The following ADARB2 variants were observed in gnomAD, a reference collection of about 807,000 sequenced individuals.
The protein encoded by ADARB2 is inactive double-stranded RNA-specific editase B2.
A neutral mutation model predicts 62.2 loss-of-function variants in ADARB2; 25 were observed. That is an observed-to-expected ratio of 0.40 (90% CI 0.29 to 0.56). The LOEUF (loss-of-function observed/expected upper bound fraction) is 0.56. Among genes scored for constraint, ADARB2 ranks in the 20% least tolerant of loss-of-function variants. The pLI is 0.43. For missense variants in ADARB2, 1,071 were observed against 1,077.4 expected (o/e 0.99, Z 0.08); for synonymous variants, 572 against 500.8 (o/e 1.14, Z -1.90).
intron 1 of ADARB2, among the ~76,000 whole-genome samples, chr10:1,725,592 GGACCCCA>G (rs1286153432): frequency 6.6e-6 from 1 of 152,182 alleles, no homozygotes; most frequent in African/African-American, 2.4e-5. Context: ...GAGACGCCCA[GGACCCCA>G]CAGCGGGGGA....
chr10:1,620,058 T>A (rs1833688747), intron 1 of ADARB2, among the ~76,000 whole-genome samples: 1 of 152,136 alleles, frequency 6.6e-6, no homozygotes, highest in African/African-American at 2.4e-5. Context: ...AGAGGGAAAT[T>A]TATAGCTTTA....
chr10:1,242,897 A>T lies in ADARB2; in HGVS notation c.1193-598T>A, dbSNP rs185698959. ...CTCTCTTCAGGGACTGAAAACAAAC[A>T]ACAAAGAAACCTCAAAAACAACCCC... On this transcript the variant is annotated intron_variant, in intron 4 of 9. Coordinates refer to ENST00000381312, the MANE Select transcript of ADARB2 (RefSeq NM_018702.4). Among the ~76,000 whole-genome samples the T allele has an allele frequency of 2.8e-3, 421 of 152,308 alleles. 8 individuals carry two copies. The highest frequency in any genetic ancestry group is 6.6e-4 in the Non-Finnish European group (45 of 68,024).
chr10:1,510,089 C>CTTTTCTTTCTT (rs1398763849), intron 1 of ADARB2, among the ~76,000 whole-genome samples: 2 of 141,990 alleles, frequency 1.4e-5, no homozygotes, highest in Admixed American at 7.5e-5. Flanking sequence ...CTTTCTCTCT[C>CTTTTCTTTCTT]TCTCTCTTTT....
chr10:1,626,864 C>A (rs1458731399), intron 1 of ADARB2, among the ~76,000 whole-genome samples: 1 of 152,230 alleles, frequency 6.6e-6, no homozygotes. Context: ...TTGCACCAAC[C>A]TAATATAAAC....
At chr10:1,612,388 A>G (rs1244745169) in intron 1 of ADARB2, among the ~76,000 whole-genome samples, 1 of 152,228 alleles carries the variant, frequency 6.6e-6, no homozygotes, top group Non-Finnish European at 1.5e-5. Context: ...GGCTGGACAT[A>G]AGGAGGCGGT....
At chr10:1,376,445 A>T (rs1832430018) in intron 2 of ADARB2, among the ~76,000 whole-genome samples, 1 of 152,218 alleles carries the variant, frequency 6.6e-6, no homozygotes, top group African/African-American at 2.4e-5. Flanking sequence ...AAAGGCTTCC[A>T]GAAAGTCCAG....
At chr10:1,576,710 CTG>C (rs1833026660) in intron 1 of ADARB2, among the ~76,000 whole-genome samples, 1 of 152,180 alleles carries the variant, frequency 6.6e-6, no homozygotes, top group Admixed American at 6.5e-5. Context: ...GATGGAGCAG[CTG>C]TGTTTCCTGA....
At chr10:1,200,565 C>G (rs1405954479) in intron 7 of ADARB2, among the ~76,000 whole-genome samples, 2 of 152,076 alleles carry the variant, frequency 1.3e-5, no homozygotes, top group African/African-American at 4.8e-5. Flanking sequence ...CTCCCTTTGT[C>G]CTTAGCAGTC....
intron 1 of ADARB2, chr10:1,557,099 T>A (rs1030207941): frequency 5.8e-6 from 2 of 344,008 alleles, no homozygotes; most frequent in African/African-American, 2.2e-5. Context: ...ACCTCTTTCC[T>A]TCCATTGCCT....
intron 1 of ADARB2, among the ~76,000 whole-genome samples, chr10:1,400,833 G>A (rs1309850038): frequency 1.3e-5 from 2 of 152,158 alleles, no homozygotes; most frequent in Admixed American, 6.5e-5. Context: ...GAGTGGGAGG[G>A]CTTATGGCTT....
At chr10:1,651,671 C>T (rs1834112358) in intron 1 of ADARB2, among the ~76,000 whole-genome samples, 1 of 152,146 alleles carries the variant, frequency 6.6e-6, no homozygotes, top group South Asian at 2.1e-4. Context: ...GCAAGGGGCA[C>T]ATTTCGTGCA....
At chr10:1,311,307 T>C (rs1489310363) in intron 3 of ADARB2, among the ~76,000 whole-genome samples, 3 of 152,194 alleles carry the variant, frequency 2.0e-5, no homozygotes, top group Admixed American at 6.5e-5. Context: ...GTTTCTGGTG[T>C]CAGTTTTGTT....
chr10:1,309,087 C>G (rs942195141), intron 3 of ADARB2, among the ~76,000 whole-genome samples: 10 of 152,178 alleles, frequency 6.6e-5, no homozygotes, highest in Admixed American at 5.9e-4. Context: ...TGACAGCAAA[C>G]CACACAGACA....
At chr10:1,401,662 G>A (rs1832664339) in intron 1 of ADARB2, among the ~76,000 whole-genome samples, 2 of 152,196 alleles carry the variant, frequency 1.3e-5, no homozygotes, top group Admixed American at 1.3e-4. Flanking sequence ...CATTTCTACC[G>A]AAGAGCGGCG....
chr10:1,460,183 A>G (rs71500112), intron 1 of ADARB2, among the ~76,000 whole-genome samples: 12 of 23,002 alleles, frequency 5.2e-4, no homozygotes, highest in African/African-American at 8.7e-4. Flanking sequence ...TACCTGTGTA[A>G]CAAACCTGCC....
At chr10:1,281,219 C>A (rs541219734) in intron 3 of ADARB2, among the ~76,000 whole-genome samples, 1 of 152,190 alleles carries the variant, frequency 6.6e-6, no homozygotes, top group African/African-American at 2.4e-5. Flanking sequence ...AGATGATGAC[C>A]TCATCTCCAC....
chr10:1,727,971 A>T (rs977886678), intron 1 of ADARB2, among the ~76,000 whole-genome samples: 2 of 152,248 alleles, frequency 1.3e-5, no homozygotes, highest in African/African-American at 4.8e-5. Flanking sequence ...ACAGAGCAGA[A>T]TTGGATAGCA....
chr10:1,646,734 T>C (rs1834047598), intron 1 of ADARB2, among the ~76,000 whole-genome samples: 1 of 152,268 alleles, frequency 6.6e-6, no homozygotes, highest in Non-Finnish European at 1.5e-5. Context: ...TCCCTTTTTG[T>C]TCATTTGTTT....
chr10:1,217,762 G>A (rs995254718), intron 6 of ADARB2, among the ~76,000 whole-genome samples: 5 of 152,126 alleles, frequency 3.3e-5, no homozygotes, highest in South Asian at 4.1e-4. Context: ...GTGAGGAGTC[G>A]GTGAGGTGGC....
Sources: gnomAD v4.1 joint callset for allele counts (sites outside exome capture counted in the v4.1 genomes callset) on GRCh38, gnomAD v4.1.1 for gene constraint, MANE v1.5 for transcripts, NCBI Gene and HGNC (gene_info 2026-07-23, HGNC 2026-07-21) for gene names.